Variants in NRDE2 observed in about 807,000 individuals in gnomAD.
NRDE2 encodes nuclear exosome regulator NRDE2.
NRDE2 carries 76 observed loss-of-function variants against 124.2 expected under a neutral mutation model. The observed-to-expected ratio is 0.61, with a 90% CI of 0.51 to 0.74. The LOEUF is 0.74. Among genes scored for constraint, NRDE2 ranks in the 30% least tolerant of loss-of-function variants. The probability of loss-of-function intolerance (pLI) is 0.00; values close to 1 mark genes in which losing one functional copy is unlikely to be tolerated. For synonymous variants in NRDE2, 489 were observed against 528.1 expected (o/e 0.93, Z 1.01); for missense variants, 1,314 against 1,417.3 (o/e 0.93, Z 1.17).
chr14:90,309,086 CA>C (rs922615008), intron 4 of NRDE2, among the ~76,000 whole-genome samples: 5 of 151,860 alleles, frequency 3.3e-5, no homozygotes, highest in Non-Finnish European at 7.4e-5. Context: ...ACTAAAAATA[CA>C]AAAATACAAA....
chr14:90,268,069 A>T lies in NRDE2; in HGVS notation c.*10267T>A, dbSNP rs2139649698. 1.7e-6 allele frequency: 1 copy of T among 591,284 alleles called. No individual in the cohort carries two copies. Among genetic ancestry groups the T allele is most frequent in the East Asian group, 2.9e-5 (1 of 35,004 alleles). 36.6% of individuals were successfully genotyped at this position (591,284 alleles called of 1,614,324 possible). ...CTAAATGTCCTCTTATCTACTTAGG[A>T]GAATGGAATGTCGTGACACTTGAAT... On this transcript the variant is annotated 3_prime_UTR_variant, in exon 14 of 14. Coordinates refer to ENST00000354366, the MANE Select transcript of NRDE2 (RefSeq NM_017970.4).
In NRDE2 at chr14:90,288,234, C is replaced by T; in HGVS notation, c.3141G>A (p.Leu1047=). ...GGAATTACCTCTGGACAGTTTCCAC[C>T]AGTCTCTTCCTCAGTTTCTCAGCTT... ...AIEAEKLRKR[L]VETVQRLDGR... is the part of the protein sequence containing the mutation. Residue 1047 remains leucine, a synonymous_variant, in exon 11 of 14, where the codon CTG becomes CTA. Coordinates refer to ENST00000354366, the MANE Select transcript of NRDE2 (RefSeq NM_017970.4). 1.9e-6 allele frequency: 3 copies of T among 1,613,856 alleles called. No individual in the cohort carries two copies. The highest frequency in any genetic ancestry group is 2.5e-6 in the Non-Finnish European group (3 of 1,179,860).
intron 12 of NRDE2, among the ~76,000 whole-genome samples, chr14:90,284,246 T>G (rs567271769): frequency 3.9e-5 from 6 of 152,288 alleles, no homozygotes; most frequent in Admixed American, 3.9e-4. Context: ...TACACTCCAG[T>G]TTTGTCATGT....
At chr14:90,331,516 G>T (rs1483361143) in intron 1 of NRDE2, among the ~76,000 whole-genome samples, 1 of 152,184 alleles carries the variant, frequency 6.6e-6, no homozygotes, top group Non-Finnish European at 1.5e-5. Flanking sequence ...TCGAGATGTC[G>T]AGTATCATTA....
At chr14:90,318,850 C>T (rs1049389740) in intron 1 of NRDE2, among the ~76,000 whole-genome samples, 5 of 152,052 alleles carry the variant, frequency 3.3e-5, no homozygotes, top group Admixed American at 2.6e-4. Context: ...AAAAGCCCAC[C>T]ATGCTTAATA....
intron 1 of NRDE2, among the ~76,000 whole-genome samples, chr14:90,320,415 C>T (rs776372951): frequency 3.3e-5 from 5 of 152,236 alleles, no homozygotes; most frequent in Admixed American, 1.3e-4. Flanking sequence ...ATCGTGAGAA[C>T]AGCATGGGGC....
At chr14:90,324,190 C>T (rs1228726024) in intron 1 of NRDE2, among the ~76,000 whole-genome samples, 3 of 151,908 alleles carry the variant, frequency 2.0e-5, no homozygotes, top group Non-Finnish European at 4.4e-5. Flanking sequence ...ATAGGAGAAG[C>T]GATTGTGGCT....
chr14:90,312,382 C>G lies in NRDE2; in HGVS notation c.557+12G>C. ...TCCTACAGTGAAAACTGGGGGAAAACAAGGTGACTACCTTGCTATATCCCC... is the reference window on the plus strand; with the variant it reads ...TCCTACAGTGAAAACTGGGGGAAAAGAAGGTGACTACCTTGCTATATCCCC... On this transcript the variant is annotated intron_variant, in intron 4 of 13. Transcript: ENST00000354366. 1 of 1,612,956 alleles carries G rather than the reference C, an allele frequency of 6.2e-7. No homozygotes were observed. Among genetic ancestry groups the G allele is most frequent in the Non-Finnish European group, 8.5e-7 (1 of 1,179,416 alleles).
At position 90,288,439 on chromosome 14, in the gene NRDE2, G is replaced by A. The variant is rs776788220; in HGVS notation, c.2936C>T (p.Pro979Leu). The A allele has an allele frequency of 9.3e-6, 15 of 1,613,986 alleles. No individual in the cohort carries two copies. The East Asian group carries it at 1.3e-4, about 14-fold the overall frequency. The change falls in exon 11 of 14, where the codon CCG becomes CTG. Residue 979 changes from proline (P) to leucine (L), a missense_variant. By Grantham distance (98) the Pro-to-Leu change is moderately conservative. Transcript: ENST00000354366. ...GAGTGCCTCTCGCAGAGGGGCCAGCGGGTAAACACTCACTTTCATGTGGAA... is the reference window on the plus strand; with the variant it reads ...GAGTGCCTCTCGCAGAGGGGCCAGCAGGTAAACACTCACTTTCATGTGGAA... Reference protein sequence around the residue: ...LRFHMKVSVYPLAPLREALSQ... With the variant: ...LRFHMKVSVYLLAPLREALSQ...
chr14:90,301,130 A>ACCACACCACCTCTCATTAT (rs947984378), intron 7 of NRDE2, 109 bp downstream of exon 7: 56 of 1,104,104 alleles, frequency 5.1e-5, no homozygotes, highest in Admixed American at 3.8e-4. Context: ...TAAAAACACT[A>ACCACACCACCTCTCATTAT]CCACACCACC....
chr14:90,303,965 C>T lies in NRDE2; in HGVS notation c.975G>A (p.Thr325=), dbSNP rs558291461. 6 of 1,612,616 alleles carry T rather than the reference C, an allele frequency of 3.7e-6. No homozygotes were observed. The highest frequency in any genetic ancestry group is 1.7e-4 in the Middle Eastern group (1 of 6,054). ...NRRVRENPRD[T]QLWMAFVAFQ... ...AAGCAACAAATGCCATCCACAGCTG[C>T]GTATCCCGAGGATTCTCCCGCACCC... is the stretch of plus-strand genomic sequence containing the variant. Residue 325 remains threonine, a synonymous_variant, in exon 5 of 14, where the codon ACG becomes ACA. Coordinates refer to ENST00000354366, the MANE Select transcript of NRDE2 (RefSeq NM_017970.4).
intron 1 of NRDE2, among the ~76,000 whole-genome samples, chr14:90,330,807 CAAAA>C (rs56298487): frequency 3.2e-5 from 4 of 123,116 alleles, no homozygotes; most frequent in Non-Finnish European, 1.8e-5. Context: ...GACCCTGTCT[CAAAA>C]AAAAAAAAAA....
intron 9 of NRDE2, 108 bp downstream of exon 9, chr14:90,292,589 T>C (rs1452931788): frequency 4.8e-6 from 6 of 1,239,570 alleles, no homozygotes; most frequent in African/African-American, 3.0e-5. Context: ...GCTAGCCAAC[T>C]GCTAAGAGAG....
rs1288587859 is a variant in NRDE2 at position 90,270,858 on chromosome 14, G to C, written c.*7478C>G. ...GCAAGGTCTGGCAGCGTTGAATATG[G>C]GTTCTACCTGCTTTTCCTGGAAAGA... On this transcript the variant is annotated 3_prime_UTR_variant, in exon 14 of 14. Transcript: ENST00000354366. 1.3e-5 allele frequency: 2 copies of C among 152,298 alleles called. No individual in the cohort carries two copies. Among genetic ancestry groups the C allele is most frequent in the Admixed American group, 1.3e-4 (2 of 15,274 alleles). The allele number at this position is 152,298 out of a possible 1,614,324, so 9.4% of individuals were successfully genotyped here.
intron 1 of NRDE2, among the ~76,000 whole-genome samples, chr14:90,324,298 T>C (rs1256708497): frequency 1.3e-5 from 2 of 152,054 alleles, no homozygotes; most frequent in Admixed American, 6.6e-5. Context: ...CTAAGAGCAA[T>C]GGGCAGATGG....
chr14:90,309,197 A>G (rs1469724227), intron 4 of NRDE2, among the ~76,000 whole-genome samples: 1 of 152,006 alleles, frequency 6.6e-6, no homozygotes, highest in African/African-American at 2.4e-5. Flanking sequence ...AAAGCTGGAG[A>G]GAGGGAAGCA....
In NRDE2 at chr14:90,267,898, A is replaced by G. The variant is rs1462765682; in HGVS notation, c.*10438T>C. ...TTTATTTCATTACTGGAATGAAGCAATTCTTCGTACAGGTAATTATAGTTC... is the reference window on the plus strand; with the variant it reads ...TTTATTTCATTACTGGAATGAAGCAGTTCTTCGTACAGGTAATTATAGTTC... On this transcript the variant is annotated 3_prime_UTR_variant, in exon 14 of 14. Coordinates refer to ENST00000354366, the MANE Select transcript of NRDE2 (RefSeq NM_017970.4). 7 of 219,548 alleles carry G rather than the reference A, an allele frequency of 3.2e-5. No individual in the cohort carries two copies. In the East Asian group the frequency reaches 6.7e-4, roughly 21 times the overall value. 13.6% of individuals were successfully genotyped at this position (219,548 alleles called of 1,614,324 possible). A position where few individuals can be genotyped will look rare whatever the true frequency, so the allele number is the denominator to read the frequency against.
intron 4 of NRDE2, among the ~76,000 whole-genome samples, chr14:90,306,906 T>C (rs942028800): frequency 6.6e-6 from 1 of 152,220 alleles, no homozygotes; most frequent in East Asian, 1.9e-4. Context: ...TTCTCCTTTA[T>C]CCTCTTTTAA....
At chr14:90,317,705 T>G (rs1885095984) in intron 2 of NRDE2, 1 of 225,180 alleles carries the variant, frequency 4.4e-6, no homozygotes, top group South Asian at 1.8e-4. Flanking sequence ...AAAAAATACC[T>G]GAATTATGAT....
Sources: allele counts gnomAD v4.1 joint callset (sites outside exome capture counted in the v4.1 genomes callset), GRCh38; gene constraint gnomAD v4.1.1; transcripts MANE v1.5; gene names NCBI Gene and HGNC (gene_info 2026-07-23, HGNC 2026-07-21).